OVGP1: variants seen among roughly 807,000 people sequenced by gnomAD.
OVGP1 encodes oviductal glycoprotein 1.
OVGP1 carries 26 observed loss-of-function variants against 48.2 expected under a neutral mutation model. The ratio of observed to expected loss-of-function variants is 0.54; its 90% confidence interval spans 0.40 to 0.75. The LOEUF is 0.75. Ranked by LOEUF, OVGP1 falls within the 30% of genes least tolerant of loss-of-function variation. The pLI is 0.00. For missense variants in OVGP1, 791 were observed against 820.6 expected (o/e 0.96, Z 0.44); for synonymous variants, 294 against 305.7 (o/e 0.96, Z 0.40).
intron 1 of OVGP1, 104 bp downstream of exon 1, chr1:111,427,593 T>C: frequency 7.2e-7 from 1 of 1,390,786 alleles, no homozygotes; most frequent in South Asian, 1.2e-5. Context: ...AATCTAGGCT[T>C]CCCTGAGTCT....
intron 3 of OVGP1, 47 bp from the exon 4 acceptor site, chr1:111,425,486 T>G (rs1178653021): frequency 2.5e-6 from 4 of 1,613,088 alleles, no homozygotes; most frequent in Non-Finnish European, 2.5e-6. Flanking sequence ...TTCACTCCGG[T>G]GGGCAGCTGC....
At chr1:111,417,674 C>A (rs1652167917) in intron 9 of OVGP1, among the ~76,000 whole-genome samples, 1 of 152,064 alleles carries the variant, frequency 6.6e-6, no homozygotes, top group Non-Finnish European at 1.5e-5. Context: ...TACCCCAACA[C>A]CCCAGACCTC....
At chr1:111,415,934 C>A (rs1652125203) in intron 10 of OVGP1, among the ~76,000 whole-genome samples, 1 of 152,136 alleles carries the variant, frequency 6.6e-6, no homozygotes, top group Non-Finnish European at 1.5e-5. Context: ...TTCCTAATTG[C>A]CAGGGTAGCC....
intron 2 of OVGP1, 144 bp from the exon 3 acceptor site, chr1:111,426,785 C>G: frequency 1.3e-6 from 2 of 1,548,126 alleles, no homozygotes; most frequent in Non-Finnish European, 8.7e-7. Context: ...CACCTCAGAA[C>G]TACACTGAGG....
intron 8 of OVGP1, 127 bp from the exon 9 acceptor site, chr1:111,419,853 C>G (rs1240135539): frequency 1.5e-6 from 1 of 660,530 alleles, no homozygotes; most frequent in Non-Finnish European, 2.7e-6. Context: ...GAAGGTAAAC[C>G]AAAGAGAGAA....
At position 111,423,462 on chromosome 1, in the gene OVGP1, T is replaced by A. The variant is rs1320902545; in HGVS notation, c.483+81A>T. The A allele has an allele frequency of 6.8e-6, 10 of 1,467,852 alleles. No homozygotes were observed. In the East Asian group the frequency reaches 2.0e-4, roughly 30 times the overall value. 90.9% of individuals were successfully genotyped at this position (1,467,852 alleles called of 1,614,324 possible). On this transcript the variant is annotated intron_variant, in intron 5 of 10. Transcript: ENST00000369732. ...CCCTCTTCTGCCCCTGGCCCTGGAC[T>A]TATGCTCTTCTCCTGCCATAAGCCT... is the stretch of plus-strand genomic sequence containing the variant.
In OVGP1 at chr1:111,417,466, C is replaced by G. The variant is rs182379858; in HGVS notation, c.1021-1008G>C. Among the ~76,000 whole-genome samples the G allele has an allele frequency of 2.6e-5, 4 of 152,314 alleles. No individual in the cohort carries two copies. In the East Asian group the frequency reaches 7.7e-4, roughly 29 times the overall value. On this transcript the variant is annotated intron_variant, in intron 9 of 10. Coordinates refer to ENST00000369732, the MANE Select transcript of OVGP1 (RefSeq NM_002557.4). ...CTATCAGGTCCAAATAGCTGTGTGC[C>G]TTAGCCAAGTCAATTGGCTCCTTTC...
intron 6 of OVGP1, 42 bp from the exon 7 acceptor site, chr1:111,421,715 C>T: frequency 8.0e-7 from 1 of 1,251,486 alleles, no homozygotes; most frequent in Non-Finnish European, 1.2e-6. Flanking sequence ...CTGGGCTAGC[C>T]AGATTTTCAA....
rs1434247222 is a variant in OVGP1 at position 111,421,638 on chromosome 1, A to G, written c.644T>C (p.Leu215Ser). Residue 215 changes from leucine (L) to serine (S), a missense_variant, in exon 7 of 11, where the codon TTA (leucine) becomes TCA (serine). Leu to Ser is a moderately radical substitution (Grantham distance 145). Coordinates refer to ENST00000369732, the MANE Select transcript of OVGP1 (RefSeq NM_002557.4). ...LDFINVLSYD[L>S]HGSWERFTGH... ...TGTGAACCTTTCCCAACTTCCATGT[A>G]AGTCATAAGACAAGACATTGATGAA... 1 of 1,612,596 alleles carries G rather than the reference A, an allele frequency of 6.2e-7. No individual in the cohort carries two copies. The highest frequency in any genetic ancestry group is 1.3e-5 in the African/African-American group (1 of 75,036).
Position 111,415,103 on chromosome 1 carries a change from A to G in OVGP1, c.1398T>C (p.Ala466=), listed in dbSNP as rs367689323. Residue 466 remains alanine (A), a synonymous_variant, in exon 11 of 11, where the codon GCT becomes GCC. Coordinates refer to ENST00000369732, the MANE Select transcript of OVGP1 (RefSeq NM_002557.4). ...CAGTGATCTCAGTCTTCTCTCCTAGAGCTACAGTGTGCTTTCCAAGGGATA... is the reference window on the plus strand; with the variant it reads ...CAGTGATCTCAGTCTTCTCTCCTAGGGCTACAGTGTGCTTTCCAAGGGATA... The part of the protein sequence containing the change: ...ETVSLGKHTV[A]LGEKTEITGA... The G allele has an allele frequency of 2.5e-5, 41 of 1,614,108 alleles. No homozygotes were observed. In the East Asian group the frequency reaches 7.6e-4, roughly 30 times the overall value.
intron 1 of OVGP1, chr1:111,427,473 C>A: frequency 1.4e-6 from 1 of 735,146 alleles, no homozygotes; most frequent in Non-Finnish European, 1.7e-6. Context: ...GGAACTCAGG[C>A]ATTTAAAATT....
At chr1:111,424,356 T>C (rs933674746) in intron 4 of OVGP1, among the ~76,000 whole-genome samples, 1 of 152,208 alleles carries the variant, frequency 6.6e-6, no homozygotes, top group Non-Finnish European at 1.5e-5. Context: ...TCTAACTTAT[T>C]GGACCTGAAC....
Position 111,414,843 on chromosome 1 carries a change from T to C in OVGP1, c.1658A>G (p.Gln553Arg), listed in dbSNP as rs752092480. The C allele has an allele frequency of 6.3e-7, 1 of 1,593,902 alleles. No homozygotes were observed. Among genetic ancestry groups the C allele is most frequent in the South Asian group, 1.1e-5 (1 of 89,222 alleles). ...TGTATTCTGTCTAAGGGTCTCAGTC[T>C]GAAAATGGACAGGGGTCATAGTCGT... is the stretch of plus-strand genomic sequence containing the variant. ...GGTTMTPVHF[Q>R]TETLRQNTVA... The change falls in exon 11 of 11, where the codon CAG becomes CGG. Residue 553 changes from glutamine to arginine, a missense_variant. Gln to Arg is a conservative substitution (Grantham distance 43). Coordinates refer to ENST00000369732, the MANE Select transcript of OVGP1 (RefSeq NM_002557.4).
chr1:111,416,061 T>C (rs1199262548), intron 10 of OVGP1, among the ~76,000 whole-genome samples: 15 of 152,220 alleles, frequency 9.9e-5, no homozygotes. Flanking sequence ...AGAATTTTCA[T>C]TCCATAGCTC....
At chr1:111,425,471 G>C in intron 3 of OVGP1, 32 bp from the exon 4 acceptor site, 2 of 1,613,778 alleles carry the variant, frequency 1.2e-6, no homozygotes, top group Non-Finnish European at 1.7e-6. Flanking sequence ...TGATGAGCTG[G>C]GTTCTTCACT....
rs568520147 is a variant in OVGP1 at position 111,425,961 on chromosome 1, A to T, written c.260+476T>A. Among the ~76,000 whole-genome samples the T allele has an allele frequency of 4.6e-5, 7 of 152,256 alleles. No homozygotes were observed. The East Asian group carries it at 1.4e-3, about 29-fold the overall frequency. On this transcript the variant is annotated intron_variant, in intron 3 of 10. Coordinates refer to ENST00000369732, the MANE Select transcript of OVGP1 (RefSeq NM_002557.4). ...ATCCCAGGAGTTCCGGAGAGAGGAA[A>T]ATGTAAGCAAACACTTACTGAGCAC...
At chr1:111,422,845 T>G in intron 6 of OVGP1, 82 bp downstream of exon 6, 2 of 1,537,734 alleles carry the variant, frequency 1.3e-6, no homozygotes, top group Non-Finnish European at 1.8e-6. Flanking sequence ...TCAAAAACAG[T>G]GCTTGGGAAG....
At chr1:111,424,725 G>A (rs1652356874) in intron 4 of OVGP1, among the ~76,000 whole-genome samples, 1 of 152,160 alleles carries the variant, frequency 6.6e-6, no homozygotes, top group South Asian at 2.1e-4. Context: ...CTTGTAAAGT[G>A]CATCCTCACA....
intron 9 of OVGP1, among the ~76,000 whole-genome samples, chr1:111,418,900 T>C (rs1429682682): frequency 6.6e-6 from 1 of 152,196 alleles, no homozygotes; most frequent in Non-Finnish European, 1.5e-5. Context: ...TACTGGAGCA[T>C]GTCAGTTCTC....
Sources: allele counts gnomAD v4.1 joint callset (sites outside exome capture counted in the v4.1 genomes callset), GRCh38; gene constraint gnomAD v4.1.1; transcripts MANE v1.5; gene names NCBI Gene and HGNC (gene_info 2026-07-23, HGNC 2026-07-21).